The following SGK3 variants were observed in gnomAD, a reference collection of about 807,000 sequenced individuals.
SGK3 encodes serum/glucocorticoid regulated kinase family member 3, also known as serine/threonine-protein kinase Sgk3.
Under a neutral mutation model 68.5 loss-of-function variants are expected in SGK3, and 47 were observed. The observed-to-expected ratio is 0.69, with a 90% confidence interval of 0.54 to 0.87. The LOEUF (loss-of-function observed/expected upper bound fraction) is 0.87. SGK3 is among the 40% of genes least tolerant of loss of function. The pLI, the probability that SGK3 is intolerant of heterozygous loss-of-function variation, is 0.00. For missense variants in SGK3, 479 were observed against 575.5 expected, an observed-to-expected ratio of 0.83 and a Z score of 1.72; for synonymous variants, 181 against 189.1, an observed-to-expected ratio of 0.96 and a Z score of 0.35.
rs538395324 is a variant in SGK3, at chr8:66,850,812, A to T, written c.1231-19A>T. The T allele has an allele frequency of 6.2e-5, 98 of 1,579,834 alleles. No individual in the cohort carries two copies. The African/African-American group carries it at 9.1e-4, about 15-fold the overall frequency. ...ATATTCTTCGGCATTAGTAAAACAA[A>T]TTTTTTTTAATATTCCAGCTTGAAA... On this transcript the variant is annotated intron_variant, in intron 15 of 16. Coordinates refer to ENST00000521198, the MANE Select transcript of SGK3 (RefSeq NM_001033578.3).
At chr8:66,723,851 T>G (rs1368249978) in intron 1 of SGK3, among the ~76,000 whole-genome samples, 1 of 152,230 alleles carries the variant, frequency 6.6e-6, no homozygotes, top group African/African-American at 2.4e-5. Context: ...TTCTCTCATT[T>G]CTAATTGATC....
intron 5 of SGK3, among the ~76,000 whole-genome samples, chr8:66,816,166 AT>A (rs1170950772): frequency 6.7e-6 from 1 of 149,240 alleles, no homozygotes. Context: ...CGCCCACCTA[AT>A]TTTTTTTTGT....
intron 1 of SGK3, among the ~76,000 whole-genome samples, chr8:66,720,960 C>G (rs1247932452): frequency 3.3e-5 from 5 of 151,844 alleles, no homozygotes; most frequent in Non-Finnish European, 7.4e-5. Context: ...ACAAAACAAA[C>G]AAAAAAGAAA....
At chr8:66,834,089 T>C (rs1809410796) in intron 8 of SGK3, among the ~76,000 whole-genome samples, 1 of 152,232 alleles carries the variant, frequency 6.6e-6, no homozygotes, top group South Asian at 2.1e-4. Context: ...CTAGTTTACA[T>C]ATCCAACAGA....
chr8:66,727,288 G>A (rs933630208), intron 1 of SGK3, among the ~76,000 whole-genome samples: 1 of 151,976 alleles, frequency 6.6e-6, no homozygotes, highest in Non-Finnish European at 1.5e-5. Flanking sequence ...GTAGACACAG[G>A]GTTTTGCTGT....
chr8:66,798,471 A>G (rs1807792556), intron 2 of SGK3, 71 bp from the exon 3 acceptor site: 17 of 1,357,554 alleles, frequency 1.3e-5, no homozygotes, highest in Non-Finnish European at 1.7e-5. Context: ...AACAGGTTTC[A>G]TGTATTTAAG....
chr8:66,716,739 A>C (rs1804645092), intron 1 of SGK3, among the ~76,000 whole-genome samples: 1 of 152,232 alleles, frequency 6.6e-6, no homozygotes, highest in African/African-American at 2.4e-5. Context: ...ACAGGGCCAT[A>C]CATATAGGAA....
intron 1 of SGK3, among the ~76,000 whole-genome samples, chr8:66,777,031 C>A (rs994317600): frequency 2.0e-5 from 3 of 152,086 alleles, no homozygotes; most frequent in Non-Finnish European, 4.4e-5. Context: ...GGAAGTGGAA[C>A]CCTGAATGCT....
intron 16 of SGK3, among the ~76,000 whole-genome samples, chr8:66,853,208 A>G (rs953231781): frequency 6.6e-6 from 1 of 152,214 alleles, no homozygotes; most frequent in Non-Finnish European, 1.5e-5. Flanking sequence ...AGAAAACACA[A>G]GTAGAACATG....
chr8:66,793,871 A>C (rs373626095), intron 2 of SGK3, 39 bp downstream of exon 2: 1 of 1,589,384 alleles, frequency 6.3e-7, no homozygotes, highest in Non-Finnish European at 8.6e-7. Context: ...AAAAAGTTGA[A>C]TGTAGAGAAT....
At chr8:66,830,218 A>T (rs1809249925) in intron 7 of SGK3, among the ~76,000 whole-genome samples, 1 of 152,190 alleles carries the variant, frequency 6.6e-6, no homozygotes, top group Non-Finnish European at 1.5e-5. Context: ...GGCTTGGAGT[A>T]TGGCCTCAGC....
intron 15 of SGK3, 131 bp downstream of exon 15, chr8:66,847,479 A>G (rs1406127296): frequency 7.4e-7 from 1 of 1,356,914 alleles, no homozygotes; most frequent in Non-Finnish European, 9.9e-7. Context: ...AAAAAAGCAT[A>G]CTTGTCTCCA....
chr8:66,726,759 C>G (rs908094611), intron 1 of SGK3, among the ~76,000 whole-genome samples: 2 of 141,388 alleles, frequency 1.4e-5, no homozygotes, highest in African/African-American at 5.6e-5. Flanking sequence ...CATGATTGCT[C>G]TGCTGCACTC....
chr8:66,753,453 G>A (rs1053179113), intron 1 of SGK3, among the ~76,000 whole-genome samples: 4 of 152,212 alleles, frequency 2.6e-5, no homozygotes, highest in Non-Finnish European at 5.9e-5. Context: ...GAGAGGACTA[G>A]GGGAAGATAC....
chr8:66,734,999 CCA>C (rs1805277435), intron 1 of SGK3, among the ~76,000 whole-genome samples: 1 of 151,022 alleles, frequency 6.6e-6, no homozygotes, highest in Admixed American at 6.6e-5. Flanking sequence ...TTGAAAGAGA[CCA>C]CATTCACATA....
chr8:66,839,737 A>G (rs1330940954), intron 10 of SGK3: 4 of 333,864 alleles, frequency 1.2e-5, no homozygotes, highest in Non-Finnish European at 1.6e-5. Context: ...AAGGGTGAGG[A>G]CATTTTTGCA....
At chr8:66,722,066 C>T (rs943532274) in intron 1 of SGK3, among the ~76,000 whole-genome samples, 1 of 152,032 alleles carries the variant, frequency 6.6e-6, no homozygotes, top group Non-Finnish European at 1.5e-5. Flanking sequence ...TGCTAGGTCC[C>T]TGCTGGAGAC....
intron 1 of SGK3, among the ~76,000 whole-genome samples, chr8:66,758,037 C>CA (rs1806042250): frequency 6.7e-6 from 1 of 149,530 alleles, no homozygotes; most frequent in Non-Finnish European, 1.5e-5. Flanking sequence ...CACACACACA[C>CA]CCTTTACATG....
intron 1 of SGK3, among the ~76,000 whole-genome samples, chr8:66,780,468 T>A (rs576241118): frequency 1.3e-5 from 2 of 152,038 alleles, no homozygotes; most frequent in South Asian, 2.1e-4. Context: ...TGAGGGAGGA[T>A]TAAGTTGGGG....
Sources: allele counts gnomAD v4.1 joint callset (sites outside exome capture counted in the v4.1 genomes callset), GRCh38; gene constraint gnomAD v4.1.1; transcripts MANE v1.5; gene names NCBI Gene and HGNC (gene_info 2026-07-23, HGNC 2026-07-21).